FHIT: variants seen among roughly 807,000 people sequenced by gnomAD.
FHIT encodes bis(5'-adenosyl)-triphosphatase.
In FHIT, 19 loss-of-function variants were observed where a neutral mutation model predicts 17.9. The observed-to-expected ratio is 1.06, with a 90% CI of 0.74 to 1.56. The LOEUF (loss-of-function observed/expected upper bound fraction) is 1.56, where lower values mean the gene tolerates loss of function less well. Ranked by LOEUF, FHIT falls within the 40% of genes most tolerant of loss-of-function variation. The probability of loss-of-function intolerance (pLI) is 0.00; values close to 1 mark genes in which losing one functional copy is unlikely to be tolerated. For missense variants in FHIT, 248 were observed against 189.2 expected, an observed-to-expected ratio of 1.31 and a Z score of -1.82; for synonymous variants, 81 against 69.7, an observed-to-expected ratio of 1.16 and a Z score of -0.81.
At chr3:61,044,628 G>A (rs1575902515) in intron 2 of FHIT, among the ~76,000 whole-genome samples, 1 of 152,064 alleles carries the variant, frequency 6.6e-6, no homozygotes, top group Admixed American at 6.6e-5. Context: ...AGGAAATACA[G>A]AGACGCCACA....
At chr3:60,578,291 G>C (rs1026334146) in intron 4 of FHIT, among the ~76,000 whole-genome samples, 3 of 151,908 alleles carry the variant, frequency 2.0e-5, no homozygotes, top group African/African-American at 7.3e-5. Context: ...ACAAAAATTA[G>C]CTGAGTATGG....
intron 5 of FHIT, among the ~76,000 whole-genome samples, chr3:60,337,983 A>G (rs1425343684): frequency 6.6e-6 from 1 of 152,164 alleles, no homozygotes; most frequent in Non-Finnish European, 1.5e-5. Context: ...GAAAAATCGA[A>G]CACCCAAGTT....
chr3:60,010,104 G>C (rs1700083230), intron 7 of FHIT, among the ~76,000 whole-genome samples: 1 of 152,134 alleles, frequency 6.6e-6, no homozygotes, highest in Non-Finnish European at 1.5e-5. Flanking sequence ...CGGTATAGTT[G>C]GAATTTACAT....
At chr3:60,163,416 G>T (rs1701025106) in intron 5 of FHIT, among the ~76,000 whole-genome samples, 1 of 152,090 alleles carries the variant, frequency 6.6e-6, no homozygotes, top group African/African-American at 2.4e-5. Flanking sequence ...GCCCTGGGTA[G>T]TCCACAACCA....
intron 5 of FHIT, among the ~76,000 whole-genome samples, chr3:60,199,586 G>T (rs966510413): frequency 6.6e-6 from 1 of 152,142 alleles, no homozygotes; most frequent in African/African-American, 2.4e-5. Context: ...TTAATGTCAG[G>T]AGAATAAGAC....
At chr3:60,336,237 G>T (rs968049168) in intron 5 of FHIT, among the ~76,000 whole-genome samples, 7 of 152,156 alleles carry the variant, frequency 4.6e-5, no homozygotes, top group African/African-American at 1.4e-4. Flanking sequence ...CTCTAATATG[G>T]CAAATACAAA....
intron 5 of FHIT, among the ~76,000 whole-genome samples, chr3:60,398,470 T>C (rs994267599): frequency 6.6e-6 from 1 of 152,190 alleles, no homozygotes; most frequent in Non-Finnish European, 1.5e-5. Context: ...AATCTGATCC[T>C]GCCTATCAAG....
chr3:60,516,530 G>A (rs965355796), intron 5 of FHIT, among the ~76,000 whole-genome samples: 4 of 152,150 alleles, frequency 2.6e-5, no homozygotes, highest in African/African-American at 9.7e-5. Context: ...TCTAGAGTTA[G>A]ACCACCTGGA....
chr3:60,136,150 C>A (rs1267804816), intron 5 of FHIT, among the ~76,000 whole-genome samples: 1 of 152,070 alleles, frequency 6.6e-6, no homozygotes, highest in African/African-American at 2.4e-5. Flanking sequence ...GTTGGCCCAA[C>A]AAATATGACT....
At chr3:61,160,915 T>C (rs1221480309) in intron 2 of FHIT, among the ~76,000 whole-genome samples, 3 of 152,180 alleles carry the variant, frequency 2.0e-5, no homozygotes, top group Non-Finnish European at 4.4e-5. Context: ...GTCTATTCAA[T>C]CTAAAAAAGG....
intron 5 of FHIT, among the ~76,000 whole-genome samples, chr3:60,352,089 G>C (rs191183259): frequency 1.9e-4 from 29 of 152,182 alleles, no homozygotes; most frequent in African/African-American, 6.0e-4. Context: ...TCTCATTTTT[G>C]TATTTCCAGC....
At chr3:60,483,886 T>C (rs932714250) in intron 5 of FHIT, among the ~76,000 whole-genome samples, 1 of 152,134 alleles carries the variant, frequency 6.6e-6, no homozygotes, top group Non-Finnish European at 1.5e-5. Context: ...GGAAGTTAAA[T>C]TGTCTCTGTT....
chr3:61,036,706 A>C (rs182757501), intron 3 of FHIT, among the ~76,000 whole-genome samples: 95 of 152,298 alleles, frequency 6.2e-4, no homozygotes, highest in Non-Finnish European at 1.2e-3. Context: ...TGAGGAGTTT[A>C]TTAGGTCAAT....
intron 3 of FHIT, among the ~76,000 whole-genome samples, chr3:60,880,709 G>T (rs1192483485): frequency 6.6e-6 from 1 of 151,680 alleles, no homozygotes; most frequent in Non-Finnish European, 1.5e-5. Context: ...TCCAGCCTGG[G>T]CAACAAGAGT....
intron 2 of FHIT, among the ~76,000 whole-genome samples, chr3:61,137,430 A>G (rs541758804): frequency 6.6e-6 from 1 of 151,874 alleles, no homozygotes; most frequent in East Asian, 1.9e-4. Flanking sequence ...CCCAGTCTCA[A>G]TTTTTGGCCA....
intron 2 of FHIT, among the ~76,000 whole-genome samples, chr3:61,063,255 C>CAAACAAAAAAAAAAAA (rs2034490747): frequency 1.0e-5 from 1 of 95,882 alleles, no homozygotes; most frequent in African/African-American, 3.8e-5. Context: ...GACTCTGTCT[C>CAAACAAAAAAAAAAAA]AAAAAAAAAA....
At chr3:60,424,539 A>G (rs1702593085) in intron 5 of FHIT, among the ~76,000 whole-genome samples, 1 of 152,096 alleles carries the variant, frequency 6.6e-6, no homozygotes, top group African/African-American at 2.4e-5. Context: ...ATCAGTCACA[A>G]TCTCTTGTGC....
chr3:60,898,453 G>A (rs1424986658), intron 3 of FHIT, among the ~76,000 whole-genome samples: 1 of 152,164 alleles, frequency 6.6e-6, no homozygotes, highest in Non-Finnish European at 1.5e-5. Context: ...CACCAGCAGT[G>A]TATGGTGGGT....
chr3:59,928,160 G>C (rs998545213), intron 7 of FHIT, among the ~76,000 whole-genome samples: 2 of 152,180 alleles, frequency 1.3e-5, no homozygotes, highest in Admixed American at 6.5e-5. Flanking sequence ...ACTGCAGAAG[G>C]CAGGTCTGAT....
Sources: allele counts gnomAD v4.1 joint callset (sites outside exome capture counted in the v4.1 genomes callset), GRCh38; gene constraint gnomAD v4.1.1; transcripts MANE v1.5; gene names NCBI Gene and HGNC (gene_info 2026-07-23, HGNC 2026-07-21).